The following CUX1 variants were observed in gnomAD, a reference collection of about 807,000 sequenced individuals.
CUX1 encodes protein CASP.
CUX1 carries 31 observed loss-of-function variants against 158.8 expected under a neutral mutation model. The observed-to-expected ratio is 0.20, with a 90% CI of 0.15 to 0.26. The LOEUF (loss-of-function observed/expected upper bound fraction) is 0.26, where lower values mean the gene tolerates loss of function less well. Among genes scored for constraint, CUX1 ranks in the 10% least tolerant of loss-of-function variants. CUX1 has a pLI of 1.00. For missense variants in CUX1, 1,589 were observed against 2,014.6 expected, an observed-to-expected ratio of 0.79 and a Z score of 4.04; for synonymous variants, 879 against 862.1, an observed-to-expected ratio of 1.02 and a Z score of -0.34.
chr7:102,204,346 C>T (rs532054560), intron 18 of CUX1, 45 bp from the exon 19 acceptor site: 3 of 1,604,172 alleles, frequency 1.9e-6, no homozygotes, highest in East Asian at 4.5e-5. Flanking sequence ...TGGTGTCATG[C>T]TAATAGCCAG....
intron 2 of CUX1, among the ~76,000 whole-genome samples, chr7:102,025,016 G>A (rs1819820717): frequency 1.3e-5 from 2 of 152,266 alleles, no homozygotes; most frequent in African/African-American, 2.4e-5. Flanking sequence ...AAGCTCTGGG[G>A]GAGAATCAGT....
intron 18 of CUX1, among the ~76,000 whole-genome samples, chr7:102,203,366 C>T (rs984336008): frequency 6.6e-6 from 1 of 152,092 alleles, no homozygotes; most frequent in Non-Finnish European, 1.5e-5. Flanking sequence ...GCCAGGGTCC[C>T]TGCATGGCGC....
intron 6 of CUX1, among the ~76,000 whole-genome samples, chr7:102,107,907 G>A (rs373253352): frequency 2.5e-4 from 38 of 152,342 alleles, no homozygotes; most frequent in African/African-American, 7.0e-4. Context: ...CGCATCCATC[G>A]TCCCTGGGGG....
intron 9 of CUX1, 104 bp downstream of exon 9, chr7:102,158,712 A>G: frequency 2.8e-6 from 3 of 1,061,962 alleles, no homozygotes; most frequent in Non-Finnish European, 4.3e-6. Flanking sequence ...TTATCCTTCC[A>G]TTTTTTACTG....
At chr7:102,134,102 A>G (rs201530) in intron 8 of CUX1, among the ~76,000 whole-genome samples, 79,526 of 152,038 alleles carry the variant, frequency 0.52, 21,417 homozygotes, top group Middle Eastern at 0.66. Context: ...TGAGAGGCCA[A>G]GGTGGGCAGA....
chr7:102,013,300 A>G (rs1227768533), intron 2 of CUX1, among the ~76,000 whole-genome samples: 2 of 152,222 alleles, frequency 1.3e-5, no homozygotes, highest in Non-Finnish European at 2.9e-5. Flanking sequence ...TTTGCCATAT[A>G]TGGTAGTAAA....
At position 102,051,830 on chromosome 7, in the gene CUX1, T is replaced by G. The variant is rs369212063; in HGVS notation, c.190-18509T>G. ...GTCAACTTTGTTTTCGCTTTGCTTT[T>G]CTTTTTACAATTAAATGACTTTTAG... On this transcript the variant is annotated intron_variant, in intron 3 of 23. Coordinates refer to ENST00000292535, the MANE Select transcript of CUX1 (RefSeq NM_181552.4). 3.3e-5 allele frequency among the ~76,000 whole-genome samples: 5 copies of G among 152,310 alleles called. No homozygotes were observed. The East Asian group carries it at 5.8e-4, about 18-fold the overall frequency.
intron 9 of CUX1, chr7:102,161,126 A>C (rs1297716133): frequency 6.6e-6 from 1 of 152,186 alleles, no homozygotes; most frequent in Admixed American, 6.6e-5. Flanking sequence ...AGGCAGGCGG[A>C]TCACTTGAGG....
At chr7:102,273,991 C>T (rs1298397665) in intron 15 of CUX1, among the ~76,000 whole-genome samples, 1 of 152,256 alleles carries the variant, frequency 6.6e-6, no homozygotes, top group Non-Finnish European at 1.5e-5. Context: ...CATGTCAAAG[C>T]TGAGTGGCTG....
intron 13 of CUX1, 131 bp downstream of exon 13, chr7:102,194,021 A>C: frequency 2.3e-6 from 2 of 887,526 alleles, no homozygotes; most frequent in Non-Finnish European, 3.6e-6. Context: ...TCATACTTCA[A>C]GAACATTTAA....
chr7:102,217,284 T>A (rs78725441), intron 20 of CUX1, among the ~76,000 whole-genome samples: 4 of 152,388 alleles, frequency 2.6e-5, no homozygotes, highest in Middle Eastern at 3.4e-3. Flanking sequence ...GCTTTTGATA[T>A]GCTTATTTCC....
At chr7:101,924,707 A>G (rs1348220372) in intron 2 of CUX1, among the ~76,000 whole-genome samples, 4 of 150,532 alleles carry the variant, frequency 2.7e-5, no homozygotes, top group Admixed American at 6.6e-5. Context: ...CTGGGACTAC[A>G]GGCGTGCACC....
intron 1 of CUX1, among the ~76,000 whole-genome samples, chr7:101,889,299 C>T (rs955993508): frequency 1.3e-5 from 2 of 149,502 alleles, no homozygotes; most frequent in Admixed American, 6.7e-5. Flanking sequence ...GATCGTTTCC[C>T]GAGGGTCTTT....
At chr7:102,132,557 C>T (rs1472627111) in intron 8 of CUX1, among the ~76,000 whole-genome samples, 1 of 151,842 alleles carries the variant, frequency 6.6e-6, no homozygotes, top group Non-Finnish European at 1.5e-5. Flanking sequence ...GAGGGTATTT[C>T]GTCACTCCTT....
intron 1 of CUX1, among the ~76,000 whole-genome samples, chr7:101,836,815 G>T (rs930142889): frequency 6.6e-6 from 1 of 152,102 alleles, no homozygotes; most frequent in Non-Finnish European, 1.5e-5. Flanking sequence ...GGGAGAAGAG[G>T]CTGCCCCCAC....
At chr7:102,006,944 A>G (rs921639649) in intron 2 of CUX1, among the ~76,000 whole-genome samples, 2 of 152,164 alleles carry the variant, frequency 1.3e-5, no homozygotes, top group African/African-American at 4.8e-5. Flanking sequence ...TTCCCACACA[A>G]AAGTGTATTT....
intron 1 of CUX1, among the ~76,000 whole-genome samples, chr7:101,880,585 G>T (rs4073362): frequency 0.11 from 16,698 of 152,214 alleles, 1,107 homozygotes; most frequent in South Asian, 0.18. Context: ...ATTTTAAAAG[G>T]CAGAAATGAT....
chr7:101,904,622 G>A (rs1233085526), intron 1 of CUX1, among the ~76,000 whole-genome samples: 1 of 148,406 alleles, frequency 6.7e-6, no homozygotes, highest in East Asian at 2.0e-4. Context: ...AGGCTGGAGT[G>A]TAGTGGTGTG....
At chr7:101,871,788 C>T (rs762146448) in intron 1 of CUX1, among the ~76,000 whole-genome samples, 11 of 152,030 alleles carry the variant, frequency 7.2e-5, no homozygotes, top group Non-Finnish European at 1.2e-4. Context: ...GAGGCCAAGG[C>T]GGGTGGATCA....
Sources: allele counts gnomAD v4.1 joint callset (sites outside exome capture counted in the v4.1 genomes callset), GRCh38; gene constraint gnomAD v4.1.1; transcripts MANE v1.5; gene names NCBI Gene and HGNC (gene_info 2026-07-23, HGNC 2026-07-21).